ANGPT1: variants seen among roughly 807,000 people sequenced by gnomAD.
ANGPT1 encodes angiopoietin-1.
ANGPT1 carries 17 observed loss-of-function variants against 62.2 expected under a neutral mutation model. The ratio of observed to expected loss-of-function variants is 0.27; its 90% CI spans 0.19 to 0.41. ANGPT1 has a LOEUF of 0.41. Among genes scored for constraint, ANGPT1 ranks in the 10% least tolerant of loss-of-function variants. ANGPT1 has a pLI of 1.00. For synonymous variants in ANGPT1, 199 were observed against 198.9 expected, an observed-to-expected ratio of 1.00 and a Z score of 0.00; for missense variants, 478 against 594.9, an observed-to-expected ratio of 0.80 and a Z score of 2.04.
chr8:107,268,564 A>T (rs375080373), intron 7 of ANGPT1, among the ~76,000 whole-genome samples: 6 of 152,082 alleles, frequency 3.9e-5, no homozygotes, highest in African/African-American at 1.4e-4. Flanking sequence ...AAAGGAAAAA[A>T]AGGCCATGTC....
intron 2 of ANGPT1, among the ~76,000 whole-genome samples, chr8:107,340,860 G>A (rs576245554): frequency 1.8e-4 from 27 of 151,946 alleles, no homozygotes; most frequent in Non-Finnish European, 3.4e-4. Flanking sequence ...GTTTCCTTTT[G>A]CTTTATTTTT....
rs1661724102 is a variant in ANGPT1 at position 107,336,132 on chromosome 8, G to A, written c.575+18C>T. The A allele has an allele frequency of 8.2e-6, 13 of 1,585,818 alleles. No homozygotes were observed. The highest frequency in any genetic ancestry group is 1.1e-5 in the Non-Finnish European group (13 of 1,170,850). ...ATAAGTACACACAGAAACATTTTTGGAATAAAGCAATCCTCACCTGTTTTT... is the reference window on the plus strand; with the variant it reads ...ATAAGTACACACAGAAACATTTTTGAAATAAAGCAATCCTCACCTGTTTTT... On this transcript the variant is annotated intron_variant, in intron 3 of 8. Transcript: ENST00000517746.
At chr8:107,264,200 G>A in intron 8 of ANGPT1, 21 bp downstream of exon 8, 1 of 1,606,370 alleles carries the variant, frequency 6.2e-7, no homozygotes, top group Non-Finnish European at 8.5e-7. Context: ...ATAGCTTAGA[G>A]AATGGCCCCA....
At chr8:107,420,617 A>G (rs971043634) in intron 1 of ANGPT1, among the ~76,000 whole-genome samples, 7 of 152,176 alleles carry the variant, frequency 4.6e-5, no homozygotes, top group African/African-American at 7.2e-5. Context: ...CCTCTCATAT[A>G]TATAATACTC....
At chr8:107,326,496 T>A (rs1815291792) in intron 3 of ANGPT1, among the ~76,000 whole-genome samples, 1 of 152,090 alleles carries the variant, frequency 6.6e-6, no homozygotes, top group African/African-American at 2.4e-5. Flanking sequence ...TTGACTACAC[T>A]CATCCCCTTT....
chr8:107,309,003 C>G (rs1434533356), intron 4 of ANGPT1, among the ~76,000 whole-genome samples: 1 of 152,066 alleles, frequency 6.6e-6, no homozygotes, highest in Non-Finnish European at 1.5e-5. Flanking sequence ...TCAGATGAAC[C>G]CTCAAGAAAA....
At chr8:107,330,532 G>T (rs1312256876) in intron 3 of ANGPT1, among the ~76,000 whole-genome samples, 1 of 152,152 alleles carries the variant, frequency 6.6e-6, no homozygotes, top group Non-Finnish European at 1.5e-5. Flanking sequence ...ATAGAGAATT[G>T]TCATTTGGTT....
At chr8:107,373,511 A>C (rs1475030937) in intron 1 of ANGPT1, among the ~76,000 whole-genome samples, 1 of 152,196 alleles carries the variant, frequency 6.6e-6, no homozygotes, top group African/African-American at 2.4e-5. Flanking sequence ...GGAAGAAGGA[A>C]TGAGAGGTGG....
chr8:107,484,903 T>C (rs1291315647), intron 1 of ANGPT1, among the ~76,000 whole-genome samples: 1 of 152,196 alleles, frequency 6.6e-6, no homozygotes, highest in Non-Finnish European at 1.5e-5. Flanking sequence ...CAGCTTCCTT[T>C]AATATGTATT....
intron 8 of ANGPT1, among the ~76,000 whole-genome samples, chr8:107,259,680 C>A (rs76255181): frequency 0.037 from 5,599 of 152,138 alleles, 127 homozygotes; most frequent in Middle Eastern, 0.1. Flanking sequence ...TTGTTGTTGG[C>A]AACCTTTAAT....
Position 107,497,879 on chromosome 8 carries a change from T to G in ANGPT1, c.-321A>C, listed in dbSNP as rs529188609. On this transcript the variant is annotated 5_prime_UTR_variant, in exon 1 of 9. Coordinates refer to ENST00000517746, the MANE Select transcript of ANGPT1 (RefSeq NM_001146.5). The stretch of plus-strand genomic sequence containing the variant: ...GCCTGAGTCAGCTGCGTGTACATAT[T>G]CTAGACCCTTTCCTCTACCCTATCT... The G allele has an allele frequency of 6.1e-6, 3 of 488,006 alleles. No homozygotes were observed. Among genetic ancestry groups the G allele is most frequent in the Non-Finnish European group, 1.1e-5 (3 of 279,508 alleles). 30.2% of individuals were successfully genotyped at this position (488,006 alleles called of 1,614,324 possible).
chr8:107,257,891 G>GTT (rs1554576258), intron 8 of ANGPT1, among the ~76,000 whole-genome samples: 7 of 107,790 alleles, frequency 6.5e-5, no homozygotes, highest in Non-Finnish European at 1.3e-4. Flanking sequence ...TTTTTTGTTT[G>GTT]TTTGTTTGTT....
intron 1 of ANGPT1, among the ~76,000 whole-genome samples, chr8:107,421,996 T>C (rs1388930946): frequency 6.6e-6 from 1 of 152,176 alleles, no homozygotes; most frequent in Non-Finnish European, 1.5e-5. Context: ...AGTTTCATGT[T>C]AAACACCTTT....
At chr8:107,354,071 C>T (rs565475737) in intron 1 of ANGPT1, among the ~76,000 whole-genome samples, 2 of 152,270 alleles carry the variant, frequency 1.3e-5, no homozygotes, top group East Asian at 1.9e-4. Context: ...TGTGGGACCA[C>T]ATTCTTGTGG....
At chr8:107,294,543 CAT>C (rs1179702328) in intron 5 of ANGPT1, 1 of 152,370 alleles carries the variant, frequency 6.6e-6, no homozygotes, top group Non-Finnish European at 1.5e-5. Flanking sequence ...TATATATGTA[CAT>C]GTTACAGTAG....
At chr8:107,307,853 T>A (rs933437356) in intron 4 of ANGPT1, among the ~76,000 whole-genome samples, 1 of 152,206 alleles carries the variant, frequency 6.6e-6, no homozygotes, top group African/African-American at 2.4e-5. Flanking sequence ...TCTACTTGCC[T>A]GTTGGGCAGT....
chr8:107,317,082 G>A (rs1815031513), intron 4 of ANGPT1, among the ~76,000 whole-genome samples: 2 of 152,170 alleles, frequency 1.3e-5, no homozygotes, highest in Non-Finnish European at 2.9e-5. Flanking sequence ...TTATCCTTCT[G>A]TTCCTGCCAT....
chr8:107,299,506 C>T (rs892448674), intron 5 of ANGPT1, among the ~76,000 whole-genome samples: 1 of 137,648 alleles, frequency 7.3e-6, no homozygotes, highest in Non-Finnish European at 1.5e-5. Context: ...TATATATGTA[C>T]TAAGCATATA....
chr8:107,259,591 T>A (rs1245850900), intron 8 of ANGPT1, among the ~76,000 whole-genome samples: 2 of 152,134 alleles, frequency 1.3e-5, no homozygotes, highest in Non-Finnish European at 2.9e-5. Context: ...CATTTTTACA[T>A]AGCCTTTATA....
Sources: gnomAD v4.1 joint callset for allele counts (sites outside exome capture counted in the v4.1 genomes callset) on GRCh38, gnomAD v4.1.1 for gene constraint, MANE v1.5 for transcripts, NCBI Gene and HGNC (gene_info 2026-07-23, HGNC 2026-07-21) for gene names.